The following ZNF469 variants were observed in gnomAD, a reference collection of about 807,000 sequenced individuals.
The protein encoded by ZNF469 is zinc finger protein 469.
A neutral mutation model predicts 1.0 loss-of-function variants in ZNF469; 1 was observed. The ratio of observed to expected loss-of-function variants is 1.00; its 90% CI spans 0.35 to 4.73. ZNF469 has a LOEUF of 4.73. Ranked by LOEUF, ZNF469 falls within the 30% of genes most tolerant of loss-of-function variation. The pLI is 0.16. For missense variants in ZNF469, 6,100 were observed against 5,356.3 expected (o/e 1.14, Z -4.33); for synonymous variants, 2,703 against 2,363.4 (o/e 1.14, Z -4.17).
At chr16:88,247,420 G>GTGAA in the ZNF469 span, among the ~76,000 whole-genome samples, 1 of 150,872 alleles carries the variant, frequency 6.6e-6, no homozygotes, top group Admixed American at 6.6e-5. Context: ...GAGTGAATAA[G>GTGAA]TGAATGAATG....
At chr16:88,265,710 C>T in the ZNF469 span, among the ~76,000 whole-genome samples, 60 of 151,522 alleles carry the variant, frequency 4.0e-4, no homozygotes, top group Non-Finnish European at 7.4e-4. Flanking sequence ...CAGGGTGCTG[C>T]AGGAGCAGAC....
chr16:88,118,155 C>A, the ZNF469 span, among the ~76,000 whole-genome samples: 1 of 152,180 alleles, frequency 6.6e-6, no homozygotes, highest in African/African-American at 2.4e-5. Context: ...GTTGGCCAGG[C>A]TGCTCTCAAA....
chr16:88,174,095 A>G, the ZNF469 span, among the ~76,000 whole-genome samples: 1 of 152,218 alleles, frequency 6.6e-6, no homozygotes, highest in Non-Finnish European at 1.5e-5. Context: ...TATGTTGCCT[A>G]CAAGAAATGC....
the ZNF469 span, among the ~76,000 whole-genome samples, chr16:88,311,935 T>G: frequency 6.6e-6 from 1 of 152,220 alleles, no homozygotes; most frequent in East Asian, 1.9e-4. Context: ...CTCACACTGC[T>G]GATGAAGACA....
chr16:88,361,779 A>G, the ZNF469 span, among the ~76,000 whole-genome samples: 14 of 152,022 alleles, frequency 9.2e-5, no homozygotes, highest in Admixed American at 2.0e-4. Context: ...ACTTTCTCCA[A>G]TCCCTAAGCT....
At chr16:88,256,886 TTTTCTTTCCTTCTTTCTTTC>T in the ZNF469 span, among the ~76,000 whole-genome samples, 2 of 101,848 alleles carry the variant, frequency 2.0e-5, no homozygotes, top group African/African-American at 6.9e-5. Flanking sequence ...TTTTCTTTTC[TTTTCTTTCCTTCTTTCTTTC>T]TTTCTTTCTT....
the ZNF469 span, among the ~76,000 whole-genome samples, chr16:88,160,852 G>A: frequency 6.6e-6 from 1 of 152,176 alleles, no homozygotes; most frequent in Non-Finnish European, 1.5e-5. Flanking sequence ...AAATAAAAAG[G>A]GTTTTAAAGG....
intron 1 of ZNF469, among the ~76,000 whole-genome samples, chr16:88,401,207 T>C (rs1354183170): frequency 1.3e-5 from 2 of 152,182 alleles, no homozygotes; most frequent in Non-Finnish European, 1.5e-5. Flanking sequence ...TTATCTCTTC[T>C]CCCAGCATTG....
At chr16:88,192,823 G>GTGGTGGTGGTGA in the ZNF469 span, among the ~76,000 whole-genome samples, 1 of 151,580 alleles carries the variant, frequency 6.6e-6, no homozygotes, top group Non-Finnish European at 1.5e-5. Flanking sequence ...GGTGATGGTG[G>GTGGTGGTGGTGA]TGGTGGTGGT....
intron 1 of ZNF469, among the ~76,000 whole-genome samples, chr16:88,398,366 GGA>G (rs1420579646): frequency 6.6e-6 from 1 of 151,180 alleles, no homozygotes. Context: ...CACGGATGAA[GGA>G]GGACCCGTGA....
chr16:88,267,710 TG>T, the ZNF469 span, among the ~76,000 whole-genome samples: 16 of 149,788 alleles, frequency 1.1e-4, no homozygotes, highest in South Asian at 3.4e-3. Context: ...GTGCACCTGT[TG>T]GGGGATTGAC....
chr16:88,185,830 TAC>T, the ZNF469 span, among the ~76,000 whole-genome samples: 7 of 146,176 alleles, frequency 4.8e-5, no homozygotes, highest in African/African-American at 1.0e-4. Context: ...TGCCCAGACC[TAC>T]AGACACACTC....
At chr16:88,185,482 ACT>A in the ZNF469 span, among the ~76,000 whole-genome samples, 45,218 of 151,484 alleles carry the variant, frequency 0.3, 6,833 homozygotes, top group Middle Eastern at 0.33. Flanking sequence ...ACATTTGCAC[ACT>A]CACATGACTA....
At chr16:88,197,035 C>T in the ZNF469 span, among the ~76,000 whole-genome samples, 2 of 152,220 alleles carry the variant, frequency 1.3e-5, no homozygotes, top group Non-Finnish European at 2.9e-5. Context: ...GGCTGGAATT[C>T]GTCCATCAGT....
chr16:88,109,354 C>G, the ZNF469 span, among the ~76,000 whole-genome samples: 8 of 152,330 alleles, frequency 5.3e-5, no homozygotes, highest in Middle Eastern at 3.4e-3. Context: ...AGGTGTTGCT[C>G]CAAGGAGCCT....
chr16:88,435,235 G>A lies in ZNF469; in HGVS notation c.7765G>A (p.Ala2589Thr). ...GCATGAGGTAGATGTGAAGACTCCG[G>A]CCTCCAAGCCCAGACCAGACCAGGC... is the stretch of plus-strand genomic sequence containing the variant. ...TEHEVDVKTP[A>T]SKPRPDQARE... Residue 2589 changes from alanine to threonine, a missense_variant, in exon 3 of 3, where the codon GCC (alanine) becomes ACC (threonine). Physicochemically the swap from Ala to Thr is moderately conservative, Grantham distance 58. Transcript: ENST00000565624. 1.3e-6 allele frequency: 2 copies of A among 1,550,396 alleles called. No individual in the cohort carries two copies. Among genetic ancestry groups the A allele is most frequent in the Non-Finnish European group, 1.7e-6 (2 of 1,146,984 alleles).
At chr16:88,206,193 T>A in the ZNF469 span, among the ~76,000 whole-genome samples, 1 of 152,218 alleles carries the variant, frequency 6.6e-6, no homozygotes, top group Non-Finnish European at 1.5e-5. Flanking sequence ...GGGATAGGAC[T>A]TGTTTTTCTT....
At chr16:88,338,596 G>C in the ZNF469 span, among the ~76,000 whole-genome samples, 1 of 152,214 alleles carries the variant, frequency 6.6e-6, no homozygotes, top group Non-Finnish European at 1.5e-5. Context: ...AGAGGCCTCT[G>C]CTGGGTGAAC....
At chr16:88,140,243 A>G in the ZNF469 span, among the ~76,000 whole-genome samples, 1 of 151,714 alleles carries the variant, frequency 6.6e-6, no homozygotes, top group Admixed American at 6.5e-5. Context: ...GGAAGCTGTA[A>G]GAGAGCTGGT....
Sources: allele counts gnomAD v4.1 joint callset (sites outside exome capture counted in the v4.1 genomes callset), GRCh38; gene constraint gnomAD v4.1.1; transcripts MANE v1.5; gene names NCBI Gene and HGNC (gene_info 2026-07-23, HGNC 2026-07-21).